The following RRBP1 variants were observed in gnomAD, a reference collection of about 807,000 sequenced individuals.
RRBP1 encodes the protein ribosome-binding protein 1.
In RRBP1, 94 loss-of-function variants were observed where a neutral mutation model predicts 165.2. The observed-to-expected ratio is 0.57, with a 90% CI of 0.48 to 0.68. The LOEUF (loss-of-function observed/expected upper bound fraction) is 0.68. Among genes scored for constraint, RRBP1 ranks in the 30% least tolerant of loss-of-function variants. The pLI, the probability that RRBP1 is intolerant of heterozygous loss-of-function variation, is 0.00. For synonymous variants in RRBP1, 680 were observed against 714.5 expected, an observed-to-expected ratio of 0.95 and a Z score of 0.77; for missense variants, 1,676 against 1,763.0, an observed-to-expected ratio of 0.95 and a Z score of 0.88.
At chr20:17,646,342 A>T (rs2036461937) in intron 3 of RRBP1, among the ~76,000 whole-genome samples, 1 of 152,206 alleles carries the variant, frequency 6.6e-6, no homozygotes, top group South Asian at 2.1e-4. Flanking sequence ...CAGATGAACA[A>T]ACACATCCGT....
At chr20:17,669,582 G>GT (rs2036936243) in intron 2 of RRBP1, among the ~76,000 whole-genome samples, 1 of 152,286 alleles carries the variant, frequency 6.6e-6, no homozygotes, top group South Asian at 2.1e-4. Flanking sequence ...TATCAGCATC[G>GT]TATGTGCTAA....
intron 3 of RRBP1, among the ~76,000 whole-genome samples, chr20:17,644,585 T>A (rs1324087689): frequency 6.6e-6 from 1 of 152,206 alleles, no homozygotes; most frequent in Non-Finnish European, 1.5e-5. Flanking sequence ...ACCTCTGTAG[T>A]TACAGACTGG....
At chr20:17,681,839 G>C (rs1165519565) in intron 1 of RRBP1, among the ~76,000 whole-genome samples, 189 bp downstream of exon 1, 1 of 148,758 alleles carries the variant, frequency 6.7e-6, no homozygotes, top group South Asian at 2.1e-4. Context: ...GCGCTTGCCC[G>C]GCACCCCCGC....
At chr20:17,627,734 G>T (rs745653490) in intron 9 of RRBP1, 52 bp from the exon 10 acceptor site, 11 of 1,512,454 alleles carry the variant, frequency 7.3e-6, no homozygotes, top group Non-Finnish European at 9.8e-6. Flanking sequence ...ACCCCAGGGG[G>T]TGTGGAGGAT....
At chr20:17,681,279 G>A (rs1342591947) in intron 1 of RRBP1, among the ~76,000 whole-genome samples, 1 of 148,476 alleles carries the variant, frequency 6.7e-6, no homozygotes, top group Non-Finnish European at 1.5e-5. Flanking sequence ...CCCAGCCGGG[G>A]AAACGGTGGC....
At chr20:17,629,233 C>G (rs773544818) in intron 9 of RRBP1, among the ~76,000 whole-genome samples, 1 of 152,190 alleles carries the variant, frequency 6.6e-6, no homozygotes, top group Non-Finnish European at 1.5e-5. Flanking sequence ...GGGAGGGGCT[C>G]GGGAAGCGCC....
chr20:17,627,262 C>T, intron 11 of RRBP1, 86 bp downstream of exon 11: 1 of 1,399,098 alleles, frequency 7.1e-7, no homozygotes, highest in Non-Finnish European at 9.9e-7. Flanking sequence ...GACCTGAGCA[C>T]CCTCCTGAAA....
At position 17,658,612 on chromosome 20, in the gene RRBP1, C is replaced by T. The variant is rs1449210576; in HGVS notation, c.1896G>A (p.Lys632=). The change falls in exon 3 of 25, where the codon AAG becomes AAA. Residue 632 remains lysine, a synonymous_variant. Transcript: ENST00000377813. ...EAPAKKKSGS[K]KKGEPGPPDA... ...GTTACTTACCAGGCTCACCTTTTTT[C>T]TTTGAACCAGACTTCTTCTTGGCAG... is the stretch of plus-strand genomic sequence containing the variant. 2 of 1,587,890 alleles carry T rather than the reference C, an allele frequency of 1.3e-6. No homozygotes were observed. Among genetic ancestry groups the T allele is most frequent in the African/African-American group, 1.4e-5 (1 of 72,996 alleles).
chr20:17,624,596 G>A lies in RRBP1; in HGVS notation c.3127C>T (p.Leu1043Phe), dbSNP rs753072662. ...CTGACCTTGGCCTGGGTCAGGGAGA[G>A]CAGCTTCTCCTTGCAGGCCTGCTCG... ...TAEQACKEKL[L>F]SLTQAKEESE... Residue 1043 changes from leucine (L) to phenylalanine (F), a missense_variant, in exon 13 of 25, where the codon CTC (leucine) becomes TTC (phenylalanine). By Grantham distance (22) the Leu-to-Phe change is conservative. This residue lies in a region of RRBP1 where 1,184 missense variants were observed against 1,167.1 expected (regional missense o/e 1.01). Transcript: ENST00000377813. The A allele has an allele frequency of 1.8e-5, 28 of 1,592,610 alleles. No individual in the cohort carries two copies. The highest frequency in any genetic ancestry group is 2.2e-5 in the Non-Finnish European group (26 of 1,169,890).
At chr20:17,628,951 G>C (rs988724859) in intron 9 of RRBP1, among the ~76,000 whole-genome samples, 16 of 152,150 alleles carry the variant, frequency 1.1e-4, no homozygotes, top group African/African-American at 3.9e-4. Flanking sequence ...TTGTGACAGA[G>C]ACTGGCCAGA....
At chr20:17,614,503 C>T (rs1034188452) in intron 24 of RRBP1, among the ~76,000 whole-genome samples, 2 of 152,124 alleles carry the variant, frequency 1.3e-5, no homozygotes, top group African/African-American at 2.4e-5. Context: ...ATCAGACACT[C>T]GCTTCCCAGC....
At chr20:17,634,724 C>G (rs2036216681) in intron 7 of RRBP1, among the ~76,000 whole-genome samples, 2 of 152,208 alleles carry the variant, frequency 1.3e-5, no homozygotes, top group African/African-American at 4.8e-5. Context: ...CATATGCCTT[C>G]TGCTGTGGCT....
chr20:17,616,892 A>G, intron 20 of RRBP1, 53 bp from the exon 21 acceptor site: 1 of 1,364,648 alleles, frequency 7.3e-7, no homozygotes, highest in Non-Finnish European at 1.0e-6. Flanking sequence ...CACACCCACC[A>G]TGCTCACTCC....
rs563081115 is a variant in RRBP1 at position 17,680,091 on chromosome 20, G to A, written c.-98-16C>T. On this transcript the variant is annotated splice_polypyrimidine_tract_variant and intron_variant, in intron 1 of 24. Transcript: ENST00000377813. Reference sequence around the variant, plus strand: ...AAGCTTCTTTCTGGAAGGGAAAGAGGTTGGCATATGATAGTGGGAGTGACC... The same window carrying A: ...AAGCTTCTTTCTGGAAGGGAAAGAGATTGGCATATGATAGTGGGAGTGACC... 1 of 152,272 alleles carries A rather than the reference G, an allele frequency of 6.6e-6. No individual in the cohort carries two copies. The highest frequency in any genetic ancestry group is 2.4e-5 in the African/African-American group (1 of 41,444). 9.4% of individuals were successfully genotyped at this position (152,272 alleles called of 1,614,324 possible).
Position 17,660,181 on chromosome 20 carries a change from T to C in RRBP1, c.327A>G (p.Pro109=), listed in dbSNP as rs370785204. ...PVRAPAVAVA[P]TPVQPPIIVA... ...CGATAATGGGGGGCTGCACTGGGGT[T>C]GGAGCCACAGCCACAGCAGGAGCCC... The change falls in exon 3 of 25, where the codon CCA becomes CCG. Residue 109 remains proline, a synonymous_variant. Transcript: ENST00000377813. 1 of 1,613,200 alleles carries C rather than the reference T, an allele frequency of 6.2e-7. No individual in the cohort carries two copies. Among genetic ancestry groups the C allele is most frequent in the African/African-American group, 1.3e-5 (1 of 74,918 alleles).
chr20:17,618,129 GACTGAATTGA>G (rs1316363283), intron 20 of RRBP1, among the ~76,000 whole-genome samples: 1 of 152,244 alleles, frequency 6.6e-6, no homozygotes, highest in East Asian at 1.9e-4. Context: ...CTGTGGCTTT[GACTGAATTGA>G]TCTGAGCTGT....
chr20:17,642,831 G>GA, intron 4 of RRBP1, 148 bp downstream of exon 4: 1 of 872,500 alleles, frequency 1.1e-6, no homozygotes, highest in East Asian at 2.7e-5. Context: ...AAGCACCTGC[G>GA]AGCGATCCCT....
rs145533851 is a variant in RRBP1 at position 17,627,612 on chromosome 20, G to A, written c.2820C>T (p.His940=). Residue 940 remains histidine (H), a synonymous_variant, in exon 10 of 25, where the codon CAC becomes CAT. Transcript: ENST00000377813. The stretch of plus-strand genomic sequence containing the variant: ...CCGCCCTGGCCTCCTGGAGCTGCCC[G>A]TGGAGGCCACTCAGCTCCTCGCATT... ...RSKCEELSGL[H]GQLQEARAEN... 10 of 1,613,296 alleles carry A rather than the reference G, an allele frequency of 6.2e-6. No homozygotes were observed. The highest frequency in any genetic ancestry group is 2.7e-5 in the African/African-American group (2 of 74,936).
chr20:17,659,625 C>A lies in RRBP1; in HGVS notation c.883G>T (p.Ala295Ser), dbSNP rs45556733. 7 of 1,549,866 alleles carry A rather than the reference C, an allele frequency of 4.5e-6. No individual in the cohort carries two copies. Among genetic ancestry groups the A allele is most frequent in the African/African-American group, 2.7e-5 (2 of 72,786 alleles). The change falls in exon 3 of 25, where the codon GCT becomes TCT. Residue 295 changes from alanine to serine, a missense_variant. Around this residue, in one of 5 missense-constraint regions of RRBP1, gnomAD observed 392 missense variants for 382.5 expected, o/e 1.02. Transcript: ENST00000377813. ...APTQGRKAEGAQNQAKKVEGA... is the reference protein window; with the variant it reads ...APTQGRKAEGSQNQAKKVEGA... ...TCTACCTTTTTGGCCTGGTTCTGAGCCCCCTCGGCCTTTCTGCCCTGGGTT... is the reference window on the plus strand; with the variant it reads ...TCTACCTTTTTGGCCTGGTTCTGAGACCCCTCGGCCTTTCTGCCCTGGGTT...
Sources: allele counts gnomAD v4.1 joint callset (sites outside exome capture counted in the v4.1 genomes callset), GRCh38; gene constraint gnomAD v4.1.1; regional missense constraint gnomAD v4.1.1; transcripts MANE v1.5; gene names NCBI Gene and HGNC (gene_info 2026-07-23, HGNC 2026-07-21).